HIVEP2: variants seen among roughly 807,000 people sequenced by gnomAD.
HIVEP2 encodes transcription factor HIVEP2.
Under a neutral mutation model 180.7 loss-of-function variants are expected in HIVEP2, and 14 were observed. The ratio of observed to expected loss-of-function variants is 0.08; its 90% CI spans 0.05 to 0.12. The LOEUF (loss-of-function observed/expected upper bound fraction) is 0.12. Ranked by LOEUF, HIVEP2 falls within the 10% of genes least tolerant of loss-of-function variation. HIVEP2 has a pLI of 1.00. For synonymous variants in HIVEP2, 1,184 were observed against 1,136.4 expected, an observed-to-expected ratio of 1.04 and a Z score of -0.84; for missense variants, 2,579 against 3,008.5, an observed-to-expected ratio of 0.86 and a Z score of 3.34.
intron 8 of HIVEP2, 148 bp downstream of exon 8, chr6:142,761,316 T>G: frequency 1.9e-6 from 1 of 515,484 alleles, no homozygotes. Context: ...AGCAATTCAA[T>G]GTGTCAGTTT....
Position 142,771,007 on chromosome 6 carries a change from C to T in HIVEP2, c.3732G>A (p.Lys1244=), listed in dbSNP as rs1775525211. 1.2e-5 allele frequency: 20 copies of T among 1,614,170 alleles called. No individual in the cohort carries two copies. Among genetic ancestry groups the T allele is most frequent in the Non-Finnish European group, 1.5e-5 (18 of 1,180,032 alleles). ...AATGGATTTCTGTCTGAAAAGAGGGCTTGCCATAGCTCTTCTGAGGGTGCT... is the reference window on the plus strand; with the variant it reads ...AATGGATTTCTGTCTGAAAAGAGGGTTTGCCATAGCTCTTCTGAGGGTGCT... ...FAQHPQKSYG[K]PSFQTEIHSS... Residue 1244 remains lysine, a synonymous_variant, in exon 5 of 10, where the codon AAG becomes AAA. Transcript: ENST00000367603. This position sits in a 1 kb window ranked among gnomAD's most constrained non-coding sequence, Gnocchi z 5.4.
chr6:142,862,684 T>C (rs1293203406), intron 1 of HIVEP2, among the ~76,000 whole-genome samples: 1 of 142,664 alleles, frequency 7.0e-6, no homozygotes, highest in African/African-American at 2.5e-5. Flanking sequence ...CTATATCTAT[T>C]ACATTTAATT....
intron 2 of HIVEP2, among the ~76,000 whole-genome samples, chr6:142,826,893 C>T (rs1443472437): frequency 6.6e-6 from 1 of 152,188 alleles, no homozygotes; most frequent in Non-Finnish European, 1.5e-5. Flanking sequence ...GTTTTCTCTG[C>T]TCAGCTATAT....
intron 1 of HIVEP2, among the ~76,000 whole-genome samples, chr6:142,907,267 A>T (rs1777287992): frequency 6.6e-6 from 1 of 152,194 alleles, no homozygotes; most frequent in African/African-American, 2.4e-5. Flanking sequence ...ACCAAATCAC[A>T]TTGTTTGAAT....
At chr6:142,929,463 CA>C (rs892169684) in intron 1 of HIVEP2, among the ~76,000 whole-genome samples, 6 of 149,454 alleles carry the variant, frequency 4.0e-5, no homozygotes, top group East Asian at 1.9e-4. Flanking sequence ...TAAACCAGAA[CA>C]AAAAAAAAGG....
rs561086159 is a variant in HIVEP2, at chr6:142,943,385, T to C, written c.-641+1714A>G. Among the ~76,000 whole-genome samples, 8 of 152,336 alleles carry C rather than the reference T, an allele frequency of 5.3e-5. No individual in the cohort carries two copies. Among genetic ancestry groups the C allele is most frequent in the African/African-American group, 9.6e-5 (4 of 41,580 alleles). ...GGGCAAATATCACCAAATATTACTA[T>C]ATCACTGGAGGAAACGTTTCTAATA... On this transcript the variant is annotated intron_variant, in intron 1 of 9. Transcript: ENST00000367603. This position sits in a 1 kb window ranked among gnomAD's most constrained non-coding sequence, Gnocchi z 4.5.
intron 2 of HIVEP2, among the ~76,000 whole-genome samples, chr6:142,822,649 G>GC (rs1777070325): frequency 6.6e-6 from 1 of 152,160 alleles, no homozygotes; most frequent in Admixed American, 6.5e-5. Context: ...AAGAGCCCCA[G>GC]CCTAGGTAAA....
intron 2 of HIVEP2, among the ~76,000 whole-genome samples, chr6:142,823,349 CA>C: frequency 6.6e-6 from 1 of 152,170 alleles, no homozygotes; most frequent in African/African-American, 2.4e-5. Context: ...AACCCCGCGA[CA>C]ACGGTTTAAG....
Position 142,772,681 on chromosome 6 carries a change from G to C in HIVEP2, c.2058C>G (p.Ser686Arg). Residue 686 changes from serine to arginine, a missense_variant, in exon 5 of 10, where the codon AGC (serine) becomes AGG (arginine). By Grantham distance (110) the Ser-to-Arg change is moderately radical. Transcript: ENST00000367603. The surrounding 1 kb of genome is among the most constrained non-coding windows in gnomAD (Gnocchi z 4.9). ...TGTTTTCACAGGTAGTTCCAAACATGCTTGGTACTCCCTGCAATGGCACCA... is the reference window on the plus strand; with the variant it reads ...TGTTTTCACAGGTAGTTCCAAACATCCTTGGTACTCCCTGCAATGGCACCA... ...DPVVPLQGVP[S>R]MFGTTCENRK... 1 of 1,614,200 alleles carries C rather than the reference G, an allele frequency of 6.2e-7. No homozygotes were observed. The highest frequency in any genetic ancestry group is 8.5e-7 in the Non-Finnish European group (1 of 1,180,028).
chr6:142,839,767 G>C (rs1775316545), intron 1 of HIVEP2, among the ~76,000 whole-genome samples: 3 of 152,088 alleles, frequency 2.0e-5, no homozygotes, highest in Admixed American at 2.0e-4. Context: ...TCTCGAGTAA[G>C]CCTGTGTATC....
At chr6:142,917,362 G>A (rs9399413) in intron 1 of HIVEP2, among the ~76,000 whole-genome samples, 50,520 of 151,996 alleles carry the variant, frequency 0.33, 9,227 homozygotes, top group Admixed American at 0.47. Flanking sequence ...GCAGATCTTG[G>A]TACAGCTCTG....
chr6:142,906,844 T>C (rs899598236), intron 1 of HIVEP2, among the ~76,000 whole-genome samples: 5 of 152,322 alleles, frequency 3.3e-5, no homozygotes, highest in Admixed American at 1.3e-4. Context: ...ATTCTAAAAA[T>C]CAAGTTGATA....
chr6:142,879,526 C>A (rs537211089), intron 1 of HIVEP2, among the ~76,000 whole-genome samples: 264 of 152,264 alleles, frequency 1.7e-3, no homozygotes, highest in Non-Finnish European at 2.9e-3. Flanking sequence ...TCCTCTTGAC[C>A]TGCTCCTTCT....
chr6:142,817,298 G>GA (rs1057450500), intron 2 of HIVEP2, among the ~76,000 whole-genome samples: 22 of 152,290 alleles, frequency 1.4e-4, no homozygotes, highest in Non-Finnish European at 2.4e-4. Flanking sequence ...GCCAATGCTA[G>GA]AAAAAACACA....
chr6:142,938,367 A>C (rs1377062883), intron 1 of HIVEP2, among the ~76,000 whole-genome samples: 1 of 152,240 alleles, frequency 6.6e-6, no homozygotes, highest in African/African-American at 2.4e-5. Flanking sequence ...TACACTATTA[A>C]ACTAGTTGTC....
intron 1 of HIVEP2, among the ~76,000 whole-genome samples, chr6:142,846,807 A>G (rs1305595838): frequency 6.6e-6 from 1 of 152,134 alleles, no homozygotes; most frequent in African/African-American, 2.4e-5. Flanking sequence ...AAACAAACTA[A>G]GGAAAAAAAA....
chr6:142,755,146 T>C (rs1185274447), intron 9 of HIVEP2, among the ~76,000 whole-genome samples: 1 of 152,216 alleles, frequency 6.6e-6, no homozygotes. Context: ...ATCTAGATTA[T>C]GATTTCTGCT....
intron 1 of HIVEP2, among the ~76,000 whole-genome samples, chr6:142,884,613 T>C (rs762915933): frequency 6.6e-6 from 1 of 152,052 alleles, no homozygotes; most frequent in Non-Finnish European, 1.5e-5. Flanking sequence ...CAAGAATTAC[T>C]TTTGCAAACA....
intron 1 of HIVEP2, among the ~76,000 whole-genome samples, chr6:142,915,435 A>G (rs1348044479): frequency 1.3e-5 from 2 of 152,156 alleles, no homozygotes; most frequent in Non-Finnish European, 2.9e-5. Flanking sequence ...AGAGGCACAG[A>G]ACAGATTTCC....
Sources: gnomAD v4.1 joint callset for allele counts (sites outside exome capture counted in the v4.1 genomes callset) on GRCh38, gnomAD v4.1.1 for gene constraint, Gnocchi (gnomAD v3.1) non-coding constraint, MANE v1.5 for transcripts, NCBI Gene and HGNC (gene_info 2026-07-23, HGNC 2026-07-21) for gene names.